PTPN9: variants seen among roughly 807,000 people sequenced by gnomAD.
The protein encoded by PTPN9 is tyrosine-protein phosphatase non-receptor type 9.
Under a neutral mutation model 69.8 loss-of-function variants are expected in PTPN9, and 26 were observed. The ratio of observed to expected loss-of-function variants is 0.37; its 90% CI spans 0.27 to 0.52. The LOEUF (loss-of-function observed/expected upper bound fraction) is 0.52. Among genes scored for constraint, PTPN9 ranks in the 20% least tolerant of loss-of-function variants. The probability of loss-of-function intolerance (pLI) is 0.91; values close to 1 mark genes in which losing one functional copy is unlikely to be tolerated. For synonymous variants in PTPN9, 274 were observed against 272.5 expected, an observed-to-expected ratio of 1.01 and a Z score of -0.05; for missense variants, 549 against 740.3, an observed-to-expected ratio of 0.74 and a Z score of 3.00.
intron 7 of PTPN9, among the ~76,000 whole-genome samples, chr15:75,495,351 A>C (rs2074733834): frequency 6.6e-6 from 1 of 152,226 alleles, no homozygotes; most frequent in African/African-American, 2.4e-5. Flanking sequence ...GCAATTGATT[A>C]TCTGATACAT....
chr15:75,563,630 C>T (rs2075114134), intron 1 of PTPN9, among the ~76,000 whole-genome samples: 1 of 152,126 alleles, frequency 6.6e-6, no homozygotes, highest in Admixed American at 6.6e-5. Context: ...TTTATGCAGT[C>T]AACTGCTGAT....
At chr15:75,503,873 G>C (rs1191377330) in intron 7 of PTPN9, among the ~76,000 whole-genome samples, 24 of 110,812 alleles carry the variant, frequency 2.2e-4, no homozygotes, top group African/African-American at 8.6e-4. Context: ...TCAGCCCTCC[G>C]CCCGGCCAGC....
At chr15:75,474,954 A>C (rs2074587683) in intron 9 of PTPN9, among the ~76,000 whole-genome samples, 1 of 152,052 alleles carries the variant, frequency 6.6e-6, no homozygotes, top group Non-Finnish European at 1.5e-5. Context: ...GTCACCTCCA[A>C]TGCTATTCAT....
chr15:75,494,430 G>A (rs2074728526), intron 7 of PTPN9, among the ~76,000 whole-genome samples: 2 of 151,912 alleles, frequency 1.3e-5, no homozygotes, highest in South Asian at 4.2e-4. Flanking sequence ...TTGGCTCACT[G>A]CAACCTCCGC....
intron 3 of PTPN9, 67 bp from the exon 4 acceptor site, chr15:75,523,312 A>ATCCAG: frequency 2.0e-6 from 3 of 1,528,968 alleles, no homozygotes; most frequent in Non-Finnish European, 2.7e-6. Flanking sequence ...ACTAAGACTT[A>ATCCAG]TATACTGGAT....
intron 1 of PTPN9, among the ~76,000 whole-genome samples, chr15:75,567,687 G>A (rs764062290): frequency 2.0e-5 from 3 of 152,044 alleles, no homozygotes; most frequent in Non-Finnish European, 2.9e-5. Context: ...CTACAGAAAC[G>A]GCCTTTCCCA....
In PTPN9 at chr15:75,467,319, T is replaced by G. The variant is rs1190970800; in HGVS notation, c.*1450A>C. On this transcript the variant is annotated 3_prime_UTR_variant, in exon 13 of 13. Coordinates refer to ENST00000618819, the MANE Select transcript of PTPN9 (RefSeq NM_002833.4). ...ATAAAATTATTGAGGTCTGATCAGC[T>G]GCCAACCTCATCTTCTGTCACAGGG... is the stretch of plus-strand genomic sequence containing the variant. 6.6e-6 allele frequency: 1 copy of G among 152,624 alleles called. No individual in the cohort carries two copies. The highest frequency in any genetic ancestry group is 1.5e-5 in the Non-Finnish European group (1 of 68,034). The allele number at this position is 152,624 out of a possible 1,614,324, so 9.5% of individuals were successfully genotyped here. A position where few individuals can be genotyped will look rare whatever the true frequency, so the allele number is the denominator to read the frequency against.
At chr15:75,558,378 A>T (rs944366855) in intron 1 of PTPN9, among the ~76,000 whole-genome samples, 7 of 151,256 alleles carry the variant, frequency 4.6e-5, no homozygotes, top group African/African-American at 9.7e-5. Context: ...GTGGTGGCAC[A>T]CGCCTGTAAT....
At chr15:75,533,184 G>A (rs1185053847) in intron 1 of PTPN9, among the ~76,000 whole-genome samples, 1 of 152,156 alleles carries the variant, frequency 6.6e-6, no homozygotes, top group Non-Finnish European at 1.5e-5. Context: ...TTTGGGATAA[G>A]GTCTGAATTG....
rs2075186462 is a variant in PTPN9, at chr15:75,578,844, C to T, written c.-68G>A. On this transcript the variant is annotated 5_prime_UTR_variant, in exon 1 of 13. Transcript: ENST00000618819. ...CGCGGGAGCCCGGCGCGCTCGGCCT[C>T]CGCTTCCGCGTCCCCGCGCCTCAGC... 1.8e-6 allele frequency: 2 copies of T among 1,085,492 alleles called. No homozygotes were observed. The highest frequency in any genetic ancestry group is 2.3e-6 in the Non-Finnish European group (2 of 867,450). The allele number at this position is 1,085,492 out of a possible 1,614,324, so 67.2% of individuals were successfully genotyped here. A position where few individuals can be genotyped will look rare whatever the true frequency, so the allele number is the denominator to read the frequency against.
intron 1 of PTPN9, among the ~76,000 whole-genome samples, chr15:75,544,783 T>C (rs188298493): frequency 1.4e-3 from 207 of 151,982 alleles, no homozygotes; most frequent in Non-Finnish European, 2.5e-3. Flanking sequence ...TTGGTAAACA[T>C]AGAGAGTGGG....
intron 3 of PTPN9, among the ~76,000 whole-genome samples, chr15:75,523,725 C>A (rs773700525): frequency 3.5e-4 from 54 of 152,284 alleles, no homozygotes; most frequent in Non-Finnish European, 1.8e-4. Context: ...CTCCCAAAGA[C>A]CATGACTAAC....
chr15:75,490,686 G>A (rs1028170266), intron 7 of PTPN9, among the ~76,000 whole-genome samples: 1 of 152,012 alleles, frequency 6.6e-6, no homozygotes, highest in Non-Finnish European at 1.5e-5. Context: ...GTGCAGTAGC[G>A]TGATCTCGAC....
At chr15:75,530,447 TATTATA>T (rs1016964639) in intron 1 of PTPN9, among the ~76,000 whole-genome samples, 3 of 106,100 alleles carry the variant, frequency 2.8e-5, no homozygotes, top group South Asian at 4.9e-4. Flanking sequence ...AATATATTAT[TATTATA>T]ATAAAATATA....
At position 75,536,459 on chromosome 15, in the gene PTPN9, ACTCT is replaced by A. The variant is rs548318128; in HGVS notation, c.64-9202_64-9199del. 2.0e-4 allele frequency among the ~76,000 whole-genome samples: 30 copies of A among 152,328 alleles called. No homozygotes were observed. In the East Asian group the frequency reaches 5.4e-3, roughly 27 times the overall value. Reference sequence around the variant, plus strand: ...ATGAACAGAATGCTATGGGATTCAAACTCTCTCTATGGATATAAAAAAAATTTTT... The same window carrying A: ...ATGAACAGAATGCTATGGGATTCAAACTCTATGGATATAAAAAAAATTTTT... On this transcript the variant is annotated intron_variant, in intron 1 of 12. Transcript: ENST00000618819.
rs763230887 is a variant in PTPN9, at chr15:75,478,812, T to C, written c.1129+1036A>G. Among the ~76,000 whole-genome samples the C allele has an allele frequency of 2.6e-5, 4 of 152,346 alleles. No homozygotes were observed. In the East Asian group the frequency reaches 7.7e-4, roughly 29 times the overall value. On this transcript the variant is annotated intron_variant, in intron 9 of 12. Coordinates refer to ENST00000618819, the MANE Select transcript of PTPN9 (RefSeq NM_002833.4). ...TTTGTCCTTTACTGGTGATACTAAG[T>C]TTGATCACTTGATTAAGGAGGTATC...
intron 7 of PTPN9, among the ~76,000 whole-genome samples, chr15:75,496,548 G>A (rs2141303206): frequency 6.7e-6 from 1 of 149,326 alleles, no homozygotes; most frequent in South Asian, 2.1e-4. Flanking sequence ...CCAAGCTGGA[G>A]TCCAGTGGCA....
At chr15:75,558,663 C>T (rs992655080) in intron 1 of PTPN9, among the ~76,000 whole-genome samples, 40 of 152,310 alleles carry the variant, frequency 2.6e-4, no homozygotes, top group Non-Finnish European at 4.6e-4. Context: ...CGAGTGCCTG[C>T]GACTGCAGGC....
At chr15:75,578,059 T>TG (rs1216785200) in intron 1 of PTPN9, among the ~76,000 whole-genome samples, 2 of 152,066 alleles carry the variant, frequency 1.3e-5, no homozygotes, top group Non-Finnish European at 2.9e-5. Flanking sequence ...TTCAGAAAGA[T>TG]GGAGACAGTC....
Sources: allele counts gnomAD v4.1 joint callset (sites outside exome capture counted in the v4.1 genomes callset), GRCh38; gene constraint gnomAD v4.1.1; transcripts MANE v1.5; gene names NCBI Gene and HGNC (gene_info 2026-07-23, HGNC 2026-07-21).